The following SPG7 variants were observed in gnomAD, a reference collection of about 807,000 sequenced individuals.
SPG7 encodes the protein mitochondrial inner membrane m-AAA protease component paraplegin.
In SPG7, 103 loss-of-function variants were observed where a neutral mutation model predicts 81.9. The observed-to-expected ratio is 1.26, with a 90% confidence interval of 1.07 to 1.48. SPG7 has a LOEUF of 1.48. SPG7 is among the 40% of genes most tolerant of loss of function. The pLI is 0.00. For synonymous variants in SPG7, 534 were observed against 444.2 expected, an observed-to-expected ratio of 1.20 and a Z score of -2.54; for missense variants, 1,241 against 1,087.3, an observed-to-expected ratio of 1.14 and a Z score of -1.99.
chr16:89,520,865 T>G (rs2058179252), intron 3 of SPG7: 1 of 152,298 alleles, frequency 6.6e-6, no homozygotes. Flanking sequence ...ATGGTTCGTT[T>G]CCTTAGGTTA....
At chr16:89,556,500 G>A (rs554887398) in intron 16 of SPG7, 5 of 320,906 alleles carry the variant, frequency 1.6e-5, no homozygotes, top group African/African-American at 8.6e-5. Context: ...AACTTGAGAG[G>A]TCCCAGCTCA....
chr16:89,529,147 T>C (rs1057378891), intron 5 of SPG7: 1 of 381,592 alleles, frequency 2.6e-6, no homozygotes, highest in Non-Finnish European at 5.0e-6. Context: ...TGATCTTGCC[T>C]GCCTGATTGA....
chr16:89,512,886 C>A, intron 2 of SPG7, 62 bp from the exon 3 acceptor site: 1 of 1,593,108 alleles, frequency 6.3e-7, no homozygotes, highest in East Asian at 2.3e-5. Flanking sequence ...ACACTGTTGT[C>A]CTGTATGCCT....
At chr16:89,525,876 G>A (rs536594752) in intron 4 of SPG7, among the ~76,000 whole-genome samples, 1 of 152,318 alleles carries the variant, frequency 6.6e-6, no homozygotes, top group South Asian at 2.1e-4. Context: ...GTCTGCAGGT[G>A]TAGCTGAGTC....
chr16:89,527,874 T>A (rs1381915001), intron 5 of SPG7, among the ~76,000 whole-genome samples: 1 of 150,552 alleles, frequency 6.6e-6, no homozygotes, highest in Admixed American at 6.6e-5. Context: ...GCAGGGAGGA[T>A]CTCTTGAGCC....
Position 89,546,776 on chromosome 16 carries a change from G to T in SPG7, c.1552+16G>T, listed in dbSNP as rs746083152. 2.2e-5 allele frequency: 34 copies of T among 1,552,180 alleles called. No individual in the cohort carries two copies. The highest frequency in any genetic ancestry group is 5.3e-6 in the Non-Finnish European group (6 of 1,123,592). ...GGATTCAGTGGTACGTTCTCAACCC[G>T]CAGCCTGGGCAGCGTCACGTCCTGA... is the stretch of plus-strand genomic sequence containing the variant. On this transcript the variant is annotated intron_variant, in intron 11 of 16. Coordinates refer to ENST00000645818, the MANE Select transcript of SPG7 (RefSeq NM_003119.4).
intron 8 of SPG7, 47 bp downstream of exon 8, chr16:89,532,113 G>C (rs747414844): frequency 6.3e-7 from 1 of 1,592,138 alleles, no homozygotes; most frequent in Non-Finnish European, 8.6e-7. Flanking sequence ...CTGACTACCT[G>C]GCTCCTTTCA....
At chr16:89,529,412 T>G (rs1369759253) in intron 5 of SPG7, 65 bp from the exon 6 acceptor site, 5 of 1,057,654 alleles carry the variant, frequency 4.7e-6, no homozygotes, top group South Asian at 1.3e-5. Context: ...TGGTTCTGAT[T>G]TGGAAGCCTG....
chr16:89,546,590 A>G, intron 10 of SPG7, 68 bp from the exon 11 acceptor site: 1 of 1,016,312 alleles, frequency 9.8e-7, no homozygotes, highest in Non-Finnish European at 1.6e-6. Context: ...CCCCACAGAC[A>G]AACATGCCGC....
At chr16:89,516,277 C>T (rs898113610) in intron 3 of SPG7, among the ~76,000 whole-genome samples, 2 of 151,868 alleles carry the variant, frequency 1.3e-5, no homozygotes, top group African/African-American at 4.8e-5. Flanking sequence ...TGTGAGCCAC[C>T]ACGCCCGGCC....
At chr16:89,519,449 C>T (rs1198620986) in intron 3 of SPG7, 2 of 151,962 alleles carry the variant, frequency 1.3e-5, no homozygotes, top group African/African-American at 2.4e-5. Flanking sequence ...GGCGCGATCT[C>T]AGCTCACCGC....
In SPG7 at chr16:89,532,455, C is replaced by G; in HGVS notation, c.1151-8C>G. 6.2e-7 allele frequency: 1 copy of G among 1,613,252 alleles called. No individual in the cohort carries two copies. Among genetic ancestry groups the G allele is most frequent in the South Asian group, 1.1e-5 (1 of 91,064 alleles). On this transcript the variant is annotated splice_polypyrimidine_tract_variant and splice_region_variant and intron_variant, in intron 8 of 16. Transcript: ENST00000645818. ...GCCCATTTCCTGATTCTCTCTGTGT[C>G]CCCTCAGGCCTCGGCGCTGCCCGTG...
intron 1 of SPG7, chr16:89,508,908 A>G (rs2057972595): frequency 1.7e-6 from 1 of 578,858 alleles, no homozygotes; most frequent in African/African-American, 1.8e-5. Flanking sequence ...GGAATCCAGT[A>G]ACGGTTTCCG....
chr16:89,544,314 G>GTGTAGATCT, intron 9 of SPG7: 1 of 370,858 alleles, frequency 2.7e-6, no homozygotes, highest in Admixed American at 3.7e-5. Context: ...TGATGACAGG[G>GTGTAGATCT]CGGTGGGGGG....
intron 7 of SPG7, 59 bp from the exon 8 acceptor site, chr16:89,531,844 TA>T (rs2058346571): frequency 1.3e-6 from 2 of 1,597,854 alleles, no homozygotes; most frequent in Non-Finnish European, 1.7e-6. Flanking sequence ...ACCTTACCTC[TA>T]AAAAACAAAA....
intron 1 of SPG7, chr16:89,509,043 C>T (rs778235090): frequency 2.3e-6 from 1 of 438,090 alleles, no homozygotes; most frequent in Non-Finnish European, 4.6e-6. Context: ...CGCAAAATAC[C>T]CTGTAGCTGC....
intron 5 of SPG7, chr16:89,527,056 T>C (rs1218894880): frequency 4.6e-6 from 1 of 215,696 alleles, no homozygotes; most frequent in Non-Finnish European, 9.6e-6. Context: ...CTGATATGCT[T>C]TAAATCATCT....
At chr16:89,556,218 C>G (rs1597667932) in intron 16 of SPG7, 1 of 399,148 alleles carries the variant, frequency 2.5e-6, no homozygotes, top group Non-Finnish European at 4.4e-6. Flanking sequence ...TTGTCTCTTG[C>G]AATACAGCCA....
intron 3 of SPG7, chr16:89,523,625 A>C: frequency 2.2e-6 from 1 of 450,008 alleles, no homozygotes; most frequent in Admixed American, 2.4e-5. Context: ...TCTGTCACCC[A>C]GGCTGGAGCA....
Sources: gnomAD v4.1 joint callset for allele counts (sites outside exome capture counted in the v4.1 genomes callset) on GRCh38, gnomAD v4.1.1 for gene constraint, MANE v1.5 for transcripts, NCBI Gene and HGNC (gene_info 2026-07-23, HGNC 2026-07-21) for gene names.